Variants in SORCS2 observed in about 807,000 individuals in gnomAD.
The protein encoded by SORCS2 is VPS10 domain-containing receptor SorCS2.
A neutral mutation model predicts 141.6 loss-of-function variants in SORCS2; 100 were observed. The ratio of observed to expected loss-of-function variants is 0.71; its 90% CI spans 0.60 to 0.83. The LOEUF (loss-of-function observed/expected upper bound fraction) is 0.83, where lower values mean the gene tolerates loss of function less well. Ranked by LOEUF, SORCS2 falls within the 40% of genes least tolerant of loss-of-function variation. The pLI, the probability that SORCS2 is intolerant of heterozygous loss-of-function variation, is 0.00. For synonymous variants in SORCS2, 789 were observed against 676.9 expected, an observed-to-expected ratio of 1.17 and a Z score of -2.57; for missense variants, 1,646 against 1,560.2, an observed-to-expected ratio of 1.05 and a Z score of -0.93.
chr4:7,308,165 C>A (rs1297369608), intron 1 of SORCS2, among the ~76,000 whole-genome samples: 1 of 152,194 alleles, frequency 6.6e-6, no homozygotes, highest in East Asian at 1.9e-4. Flanking sequence ...CTCAGGGGCA[C>A]TTTCTTGACT....
At chr4:7,542,160 G>C (rs993803999) in intron 3 of SORCS2, among the ~76,000 whole-genome samples, 4 of 152,216 alleles carry the variant, frequency 2.6e-5, no homozygotes, top group Non-Finnish European at 5.9e-5. Flanking sequence ...CATGGGCGGA[G>C]GGTTGGGGGG....
At chr4:7,532,776 CCTCT>C (rs938415697) in intron 3 of SORCS2, among the ~76,000 whole-genome samples, 1 of 151,956 alleles carries the variant, frequency 6.6e-6, no homozygotes, top group Non-Finnish European at 1.5e-5. Flanking sequence ...CATGGGATGT[CCTCT>C]CTCTTCCTAA....
chr4:7,416,902 G>A (rs1417165199), intron 2 of SORCS2, among the ~76,000 whole-genome samples: 3 of 151,664 alleles, frequency 2.0e-5, no homozygotes, highest in African/African-American at 4.8e-5. Flanking sequence ...GCACACACAC[G>A]TGTGCAGACA....
At chr4:7,501,918 C>T (rs578151554) in intron 2 of SORCS2, among the ~76,000 whole-genome samples, 50 of 152,364 alleles carry the variant, frequency 3.3e-4, no homozygotes, top group African/African-American at 1.1e-3. Context: ...ACAACGAGCA[C>T]AGCTTCTGAG....
At chr4:7,516,701 C>G (rs1487659714) in intron 2 of SORCS2, among the ~76,000 whole-genome samples, 6 of 152,054 alleles carry the variant, frequency 3.9e-5, no homozygotes, top group Non-Finnish European at 8.8e-5. Context: ...ATGAAGTTCC[C>G]AGAAGGAACT....
chr4:7,620,325 C>T (rs1367609913), intron 3 of SORCS2, among the ~76,000 whole-genome samples: 2 of 152,228 alleles, frequency 1.3e-5, no homozygotes, highest in Admixed American at 6.5e-5. Context: ...CCATGTGTGG[C>T]TGCGAGTGTC....
chr4:7,689,501 C>T lies in SORCS2; in HGVS notation c.1504C>T (p.His502Tyr), dbSNP rs1724079790. Reference sequence around the variant, plus strand: ...TTCCTTGCAGCCAGACTGCCACCTGCACCTGCACCTGCGCTGGGCAGACAA... The same window carrying T: ...TTCCTTGCAGCCAGACTGCCACCTGTACCTGCACCTGCGCTGGGCAGACAA... ...TNCKPPDCHL[H>Y]LHLRWADNPY... is the part of the protein sequence containing the mutation. Residue 502 changes from histidine (H) to tyrosine (Y), a missense_variant, in exon 11 of 27, where the codon CAC becomes TAC. By Grantham distance (83) the His-to-Tyr change is moderately conservative (BLOSUM62 2). Transcript: ENST00000507866. 2 of 1,601,140 alleles carry T rather than the reference C, an allele frequency of 1.2e-6. No homozygotes were observed. Among genetic ancestry groups the T allele is most frequent in the Non-Finnish European group, 8.5e-7 (1 of 1,174,382 alleles).
At chr4:7,500,032 G>A (rs917663991) in intron 2 of SORCS2, among the ~76,000 whole-genome samples, 5 of 152,180 alleles carry the variant, frequency 3.3e-5, no homozygotes, top group South Asian at 2.1e-4. Context: ...ACCCAGCACC[G>A]TGGGGACCCA....
intron 2 of SORCS2, among the ~76,000 whole-genome samples, chr4:7,505,128 G>A (rs1340948725): frequency 1.3e-5 from 2 of 152,224 alleles, no homozygotes; most frequent in African/African-American, 4.8e-5. Flanking sequence ...AAGAAAGCCC[G>A]ATATCATGGA....
At chr4:7,594,635 G>A (rs1420587538) in intron 3 of SORCS2, among the ~76,000 whole-genome samples, 2 of 152,056 alleles carry the variant, frequency 1.3e-5, no homozygotes, top group Non-Finnish European at 2.9e-5. Context: ...TCCTAATTTA[G>A]GAAGCCCCTA....
intron 1 of SORCS2, among the ~76,000 whole-genome samples, chr4:7,253,978 A>T (rs183499264): frequency 3.3e-5 from 5 of 152,330 alleles, no homozygotes; most frequent in African/African-American, 1.2e-4. Flanking sequence ...ATAAGATATC[A>T]TCTCACCCCA....
intron 1 of SORCS2, among the ~76,000 whole-genome samples, chr4:7,356,361 G>A (rs986837533): frequency 1.6e-4 from 25 of 152,322 alleles, no homozygotes; most frequent in African/African-American, 6.0e-4. Context: ...TTGGGGGCTG[G>A]GAAGTCCAAG....
chr4:7,466,709 G>A (rs1050562396), intron 2 of SORCS2, among the ~76,000 whole-genome samples: 1 of 152,146 alleles, frequency 6.6e-6, no homozygotes, highest in Non-Finnish European at 1.5e-5. Context: ...CCAGTGGGTG[G>A]CCCACTACAT....
chr4:7,570,102 G>A (rs1325835492), intron 3 of SORCS2, among the ~76,000 whole-genome samples: 1 of 152,166 alleles, frequency 6.6e-6, no homozygotes, highest in African/African-American at 2.4e-5. Context: ...CTAATTGCTT[G>A]GTCTAAGGTG....
At position 7,192,637 on chromosome 4, in the gene SORCS2, C is replaced by G. The variant is rs1461328496; in HGVS notation, c.-10C>G. 2 of 987,468 alleles carry G rather than the reference C, an allele frequency of 2.0e-6. No homozygotes were observed. Among genetic ancestry groups the G allele is most frequent in the African/African-American group, 3.5e-5 (2 of 56,864 alleles). The allele number at this position is 987,468 out of a possible 1,614,324, so 61.2% of individuals were successfully genotyped here. On this transcript the variant is annotated 5_prime_UTR_variant, in exon 1 of 27. Coordinates refer to ENST00000507866, the MANE Select transcript of SORCS2 (RefSeq NM_020777.3). This position sits in a 1 kb window ranked among gnomAD's most constrained non-coding sequence, Gnocchi z 4.0. ...CCCCGCCGCCGGCTCCGCTGCCGCC[C>G]CTGGCGACCATGGCGCACCGGGGGC...
At chr4:7,653,152 C>T (rs574906020) in intron 4 of SORCS2, among the ~76,000 whole-genome samples, 3 of 152,332 alleles carry the variant, frequency 2.0e-5, no homozygotes, top group South Asian at 4.1e-4. Flanking sequence ...GAACCCCTCC[C>T]GAGGGCACAG....
chr4:7,517,143 T>C (rs1226622167), intron 2 of SORCS2, among the ~76,000 whole-genome samples: 1 of 152,198 alleles, frequency 6.6e-6, no homozygotes, highest in African/African-American at 2.4e-5. Context: ...AGTTTTCTGA[T>C]CAGACACACT....
intron 2 of SORCS2, among the ~76,000 whole-genome samples, chr4:7,402,446 G>A (rs1359286123): frequency 3.9e-5 from 6 of 152,176 alleles, no homozygotes; most frequent in African/African-American, 1.4e-4. Context: ...TGCAAAGAAT[G>A]GCATTACTTT....
chr4:7,283,980 A>G (rs111351106), intron 1 of SORCS2, among the ~76,000 whole-genome samples: 1 of 152,246 alleles, frequency 6.6e-6, no homozygotes, highest in African/African-American at 2.4e-5. Context: ...CTTCACTGGC[A>G]GCCCTGATGG....
Sources: allele counts gnomAD v4.1 joint callset (sites outside exome capture counted in the v4.1 genomes callset), GRCh38; gene constraint gnomAD v4.1.1; non-coding constraint Gnocchi (gnomAD v3.1); transcripts MANE v1.5; gene names NCBI Gene and HGNC (gene_info 2026-07-23, HGNC 2026-07-21).